The following PTGFRN variants were observed in gnomAD, a reference collection of about 807,000 sequenced individuals.
The protein encoded by PTGFRN is prostaglandin F2 receptor negative regulator.
PTGFRN carries 35 observed loss-of-function variants against 83.2 expected under a neutral mutation model. The ratio of observed to expected loss-of-function variants is 0.42; its 90% confidence interval spans 0.32 to 0.56. The LOEUF is 0.56. Ranked by LOEUF, PTGFRN falls within the 20% of genes least tolerant of loss-of-function variation. The probability of loss-of-function intolerance (pLI) is 0.11; values close to 1 mark genes in which losing one functional copy is unlikely to be tolerated. For synonymous variants in PTGFRN, 519 were observed against 498.6 expected (o/e 1.04, Z -0.55); for missense variants, 1,051 against 1,179.5 (o/e 0.89, Z 1.60).
intron 6 of PTGFRN, among the ~76,000 whole-genome samples, chr1:116,973,363 C>T (rs1651058188): frequency 1.3e-5 from 2 of 152,088 alleles, no homozygotes; most frequent in African/African-American, 4.8e-5. Flanking sequence ...GTAATCTCAG[C>T]ACTTTGGGAG....
Position 116,958,263 on chromosome 1 carries a change from C to T in PTGFRN, c.1214-2980C>T, listed in dbSNP as rs1269162134. The stretch of plus-strand genomic sequence containing the variant: ...CTGGTCAGTCAGGCTGAGGCGAGGG[C>T]CTGCAGGGAGCTGTCTTCTGGGTCA... On this transcript the variant is annotated intron_variant, in intron 4 of 8. Coordinates refer to ENST00000393203, the MANE Select transcript of PTGFRN (RefSeq NM_020440.4). The surrounding 1 kb of genome is among the most constrained non-coding windows in gnomAD (Gnocchi z 4.9). 6.6e-6 allele frequency among the ~76,000 whole-genome samples: 1 copy of T among 152,142 alleles called. No homozygotes were observed. The highest frequency in any genetic ancestry group is 6.5e-5 in the Admixed American group (1 of 15,276).
At chr1:116,925,435 GA>G (rs112765095) in intron 1 of PTGFRN, among the ~76,000 whole-genome samples, 4 of 146,422 alleles carry the variant, frequency 2.7e-5, no homozygotes, top group South Asian at 2.2e-4. Context: ...TCAAAAAAAA[GA>G]AAAAAAAAAG....
chr1:116,916,114 C>A (rs1377714106), intron 1 of PTGFRN, among the ~76,000 whole-genome samples: 3 of 152,174 alleles, frequency 2.0e-5, no homozygotes, highest in African/African-American at 7.2e-5. Context: ...AGGCTGATTT[C>A]TCCACAATAC....
intron 5 of PTGFRN, among the ~76,000 whole-genome samples, chr1:116,966,138 T>A (rs1394131698): frequency 6.6e-6 from 1 of 152,266 alleles, no homozygotes; most frequent in Admixed American, 6.5e-5. Flanking sequence ...TTTAAGCACC[T>A]TCCAAGTGCC....
At chr1:116,927,935 T>C (rs1438711533) in intron 1 of PTGFRN, among the ~76,000 whole-genome samples, 1 of 152,196 alleles carries the variant, frequency 6.6e-6, no homozygotes, top group African/African-American at 2.4e-5. Context: ...TAATCTTGTT[T>C]GATTTGGAGA....
chr1:116,984,991 A>T lies in PTGFRN; in HGVS notation c.2473+6A>T. ...TATAACTGTGAAGATGGATGGTAAG[A>T]ATGTCACCCAAATTTCTCAGTGTTT... On this transcript the variant is annotated splice_donor_region_variant and intron_variant, in intron 8 of 8. Transcript: ENST00000393203. 1 of 1,609,412 alleles carries T rather than the reference A, an allele frequency of 6.2e-7. No individual in the cohort carries two copies. Among genetic ancestry groups the T allele is most frequent in the Non-Finnish European group, 8.5e-7 (1 of 1,176,944 alleles).
chr1:116,969,361 A>G (rs1390408300), intron 6 of PTGFRN, among the ~76,000 whole-genome samples: 5 of 152,084 alleles, frequency 3.3e-5, no homozygotes, highest in Non-Finnish European at 7.4e-5. Context: ...AAAGTGTATT[A>G]TTTCTCCATT....
chr1:116,914,248 G>A (rs1276630500), intron 1 of PTGFRN, among the ~76,000 whole-genome samples: 2 of 152,320 alleles, frequency 1.3e-5, no homozygotes, highest in East Asian at 3.9e-4. Context: ...AGAGCGTAGA[G>A]TAGAATATTT....
At chr1:116,975,723 A>G (rs907868704) in intron 7 of PTGFRN, among the ~76,000 whole-genome samples, 1 of 152,178 alleles carries the variant, frequency 6.6e-6, no homozygotes, top group Non-Finnish European at 1.5e-5. Flanking sequence ...CCCCATCTCT[A>G]CGTCACCACC....
intron 5 of PTGFRN, among the ~76,000 whole-genome samples, chr1:116,966,448 T>C (rs563962083): frequency 2.0e-4 from 31 of 152,336 alleles, no homozygotes; most frequent in Non-Finnish European, 4.0e-4. Context: ...CAGGCTAGCT[T>C]AGCTAGGGGC....
chr1:116,985,461 G>A (rs557973979), intron 8 of PTGFRN, among the ~76,000 whole-genome samples: 47 of 152,264 alleles, frequency 3.1e-4, no homozygotes, highest in Admixed American at 2.1e-3. Context: ...CACTTTGGGA[G>A]GCCGAGGCGG....
intron 1 of PTGFRN, among the ~76,000 whole-genome samples, chr1:116,935,496 G>T (rs545090123): frequency 6.6e-6 from 1 of 152,120 alleles, no homozygotes; most frequent in Admixed American, 6.5e-5. Flanking sequence ...GTGGGGGCAG[G>T]GGGTGGGGAG....
chr1:116,986,707 G>C, intron 8 of PTGFRN, 94 bp from the exon 9 acceptor site: 2 of 1,262,790 alleles, frequency 1.6e-6, no homozygotes, highest in Non-Finnish European at 2.3e-6. Flanking sequence ...TCTCTCGGGA[G>C]ATCCTGCTCC....
At chr1:116,911,379 G>A (rs1317727426) in intron 1 of PTGFRN, among the ~76,000 whole-genome samples, 1 of 152,226 alleles carries the variant, frequency 6.6e-6, no homozygotes, top group Non-Finnish European at 1.5e-5. Context: ...CTTATGGTCA[G>A]AGGGTTCCAG....
At chr1:116,969,206 T>A (rs1379876759) in intron 6 of PTGFRN, among the ~76,000 whole-genome samples, 1 of 152,006 alleles carries the variant, frequency 6.6e-6, no homozygotes, top group African/African-American at 2.4e-5. Context: ...GATTTACACC[T>A]ATGTTTTCTT....
At chr1:116,934,550 A>G (rs1218850989) in intron 1 of PTGFRN, among the ~76,000 whole-genome samples, 1 of 151,456 alleles carries the variant, frequency 6.6e-6, no homozygotes, top group East Asian at 1.9e-4. Flanking sequence ...TTTCAATTTG[A>G]TTGTTTCAAT....
intron 4 of PTGFRN, among the ~76,000 whole-genome samples, chr1:116,950,304 T>G (rs1371810991): frequency 6.6e-6 from 1 of 152,250 alleles, no homozygotes; most frequent in Non-Finnish European, 1.5e-5. Flanking sequence ...TAACTTTTCC[T>G]AATTTTTGTT....
chr1:116,945,782 T>A (rs1337159681), intron 3 of PTGFRN, among the ~76,000 whole-genome samples: 1 of 150,072 alleles, frequency 6.7e-6, no homozygotes, highest in South Asian at 2.1e-4. Context: ...ACTGCAATTA[T>A]AGAAGTAATT....
chr1:116,929,471 C>T (rs1160797355), intron 1 of PTGFRN, among the ~76,000 whole-genome samples: 1 of 152,144 alleles, frequency 6.6e-6, no homozygotes, highest in Admixed American at 6.5e-5. Flanking sequence ...AATCCAGGGC[C>T]CCTGCCCCCT....
Sources: gnomAD v4.1 joint callset for allele counts (sites outside exome capture counted in the v4.1 genomes callset) on GRCh38, gnomAD v4.1.1 for gene constraint, Gnocchi (gnomAD v3.1) non-coding constraint, MANE v1.5 for transcripts, NCBI Gene and HGNC (gene_info 2026-07-23, HGNC 2026-07-21) for gene names.